BRWD1: variants seen among roughly 807,000 people sequenced by gnomAD.
BRWD1 encodes the protein bromodomain and WD repeat-containing protein 1.
In BRWD1, 82 loss-of-function variants were observed where a neutral mutation model predicts 251.2. The observed-to-expected ratio is 0.33, with a 90% confidence interval of 0.27 to 0.39. BRWD1 has a LOEUF of 0.39. BRWD1 is among the 10% of genes least tolerant of loss of function. BRWD1 has a pLI of 1.00. For missense variants in BRWD1, 2,233 were observed against 2,711.6 expected, an observed-to-expected ratio of 0.82 and a Z score of 3.92; for synonymous variants, 918 against 902.8, an observed-to-expected ratio of 1.02 and a Z score of -0.30.
Position 39,215,340 on chromosome 21 carries a change from C to G in BRWD1, c.3682G>C (p.Glu1228Gln), listed in dbSNP as rs765325229. 6.2e-7 allele frequency: 1 copy of G among 1,613,406 alleles called. No homozygotes were observed. Among genetic ancestry groups the G allele is most frequent in the Non-Finnish European group, 8.5e-7 (1 of 1,179,538 alleles). The change falls in exon 32 of 41, where the codon GAA becomes CAA. Residue 1228 changes from glutamate to glutamine, a missense_variant. Physicochemically the swap from Glu to Gln is conservative, Grantham distance 29. Coordinates refer to ENST00000342449, the MANE Select transcript of BRWD1 (RefSeq NM_033656.4). ...FYRRLSALVW[E>Q]VRYIEHNART... ...GCATTATGTTCTATATATCTGACTT[C>G]CCAAACTAACGCAGACAGCCTCCTT...
Position 39,194,244 on chromosome 21 carries a change from T to C in BRWD1, c.*2015A>G. On this transcript the variant is annotated 3_prime_UTR_variant, in exon 41 of 41. Transcript: ENST00000342449. ...AAAAGAATGTATGTACTTATGAATG[T>C]ATTCCATATTTATTTATGGATTTTT... is the stretch of plus-strand genomic sequence containing the variant. 2.0e-6 allele frequency: 2 copies of C among 986,962 alleles called. No individual in the cohort carries two copies. Among genetic ancestry groups the C allele is most frequent in the Non-Finnish European group, 2.4e-6 (2 of 829,130 alleles). 61.1% of individuals were successfully genotyped at this position (986,962 alleles called of 1,614,324 possible). A position where few individuals can be genotyped will look rare whatever the true frequency, so the allele number is the denominator to read the frequency against.
Position 39,190,822 on chromosome 21 carries a change from A to T in BRWD1, c.*5437T>A. ...TATGGCAGCATCAGGTCAAAAGACC[A>T]TCAGAAATAATTCCATGAACTAGTT... On this transcript the variant is annotated 3_prime_UTR_variant, in exon 41 of 41. Coordinates refer to ENST00000342449, the MANE Select transcript of BRWD1 (RefSeq NM_033656.4). The T allele has an allele frequency of 4.1e-6, 4 of 985,406 alleles. No individual in the cohort carries two copies. The highest frequency in any genetic ancestry group is 4.8e-6 in the Non-Finnish European group (4 of 829,906). The allele number at this position is 985,406 out of a possible 1,614,324, so 61.0% of individuals were successfully genotyped here. A position where few individuals can be genotyped will look rare whatever the true frequency, so the allele number is the denominator to read the frequency against.
chr21:39,243,374 A>G (rs1411258223), intron 21 of BRWD1, among the ~76,000 whole-genome samples: 1 of 152,224 alleles, frequency 6.6e-6, no homozygotes, highest in Non-Finnish European at 1.5e-5. Flanking sequence ...GAAAATTATC[A>G]GGACCATTGA....
chr21:39,298,939 C>T (rs1237611323), intron 4 of BRWD1, among the ~76,000 whole-genome samples: 2 of 152,180 alleles, frequency 1.3e-5, no homozygotes, highest in Non-Finnish European at 2.9e-5. Context: ...ATTGCACTAA[C>T]TGGGCCAGGG....
At chr21:39,305,591 G>A (rs2036259840) in intron 4 of BRWD1, among the ~76,000 whole-genome samples, 1 of 152,080 alleles carries the variant, frequency 6.6e-6, no homozygotes, top group South Asian at 2.1e-4. Context: ...TAGGCCTGGT[G>A]CAGTGGCTCA....
intron 17 of BRWD1, 130 bp from the exon 18 acceptor site, chr21:39,258,802 A>G: frequency 1.7e-6 from 1 of 592,876 alleles, no homozygotes; most frequent in Non-Finnish European, 2.7e-6. Flanking sequence ...CCAGTTTAAA[A>G]AGATACTCTA....
rs1319055210 is a variant in BRWD1 at position 39,192,769 on chromosome 21, G to A, written c.*3490C>T. 5.1e-6 allele frequency: 5 copies of A among 985,058 alleles called. No individual in the cohort carries two copies. Among genetic ancestry groups the A allele is most frequent in the East Asian group, 1.1e-4 (1 of 8,818 alleles). 61.0% of individuals were successfully genotyped at this position (985,058 alleles called of 1,614,324 possible). A position where few individuals can be genotyped will look rare whatever the true frequency, so the allele number is the denominator to read the frequency against. ...AGTGGAAAGGAAAACAAAAAAGATC[G>A]TAAGCACCTTTAACAATGTTCTTGC... On this transcript the variant is annotated 3_prime_UTR_variant, in exon 41 of 41. Transcript: ENST00000342449.
intron 8 of BRWD1, among the ~76,000 whole-genome samples, chr21:39,289,041 T>C (rs2035727565): frequency 6.6e-6 from 1 of 152,258 alleles, no homozygotes; most frequent in Non-Finnish European, 1.5e-5. Context: ...TCAGAGAATA[T>C]ACTTAGAATT....
intron 38 of BRWD1, among the ~76,000 whole-genome samples, chr21:39,201,393 C>CT (rs2032102358): frequency 6.6e-6 from 1 of 152,214 alleles, no homozygotes; most frequent in African/African-American, 2.4e-5. Flanking sequence ...TAATGTGACT[C>CT]TGTCACTCAA....
intron 5 of BRWD1, chr21:39,296,987 C>T: frequency 3.0e-6 from 3 of 985,094 alleles, no homozygotes; most frequent in Non-Finnish European, 3.6e-6. Flanking sequence ...TAGGAAGTAC[C>T]AATAAATTAT....
chr21:39,212,662 T>C lies in BRWD1; in HGVS notation c.3900+4A>G, dbSNP rs1202178907. 1 of 1,565,070 alleles carries C rather than the reference T, an allele frequency of 6.4e-7. No individual in the cohort carries two copies. Among genetic ancestry groups the C allele is most frequent in the African/African-American group, 1.4e-5 (1 of 73,348 alleles). On this transcript the variant is annotated splice_donor_region_variant and intron_variant, in intron 34 of 40. Transcript: ENST00000342449. ...ACAAAAGTCAACCATGCAGAGTAAC[T>C]TACTCTCCTCCTTCCAGAAGATGTT...
At chr21:39,305,977 T>A (rs979377333) in intron 4 of BRWD1, among the ~76,000 whole-genome samples, 2 of 151,682 alleles carry the variant, frequency 1.3e-5, no homozygotes, top group African/African-American at 4.8e-5. Flanking sequence ...GACGCTGCAG[T>A]GAGCCATTCA....
intron 8 of BRWD1, among the ~76,000 whole-genome samples, chr21:39,281,342 C>T (rs998754680): frequency 2.0e-5 from 3 of 152,154 alleles, no homozygotes; most frequent in Admixed American, 2.0e-4. Context: ...AACTGGAATA[C>T]AGCTCCACCC....
intron 31 of BRWD1, chr21:39,216,694 G>A: frequency 2.4e-6 from 1 of 419,256 alleles, no homozygotes; most frequent in Non-Finnish European, 4.8e-6. Context: ...AATAAACTTA[G>A]AGAAACCTGC....
chr21:39,199,183 G>T lies in BRWD1; in HGVS notation c.5233C>A (p.Pro1745Thr). ...ANGYKSHTPA[P>T]SKTKFLKIES... is the part of the protein sequence containing the mutation. ...ATTTTAAGAAATTTTGTCTTTGAAGGTGCTGGAGTATGGGACTTGTAACCA... is the reference window on the plus strand; with the variant it reads ...ATTTTAAGAAATTTTGTCTTTGAAGTTGCTGGAGTATGGGACTTGTAACCA... Residue 1745 changes from proline (P) to threonine (T), a missense_variant, in exon 40 of 41, where the codon CCT becomes ACT. Pro to Thr is a conservative substitution (Grantham distance 38). This residue lies in a region of BRWD1 where 928 missense variants were observed against 970.0 expected (regional missense o/e 0.96). Coordinates refer to ENST00000342449, the MANE Select transcript of BRWD1 (RefSeq NM_033656.4). 6.2e-7 allele frequency: 1 copy of T among 1,614,124 alleles called. No homozygotes were observed. Among genetic ancestry groups the T allele is most frequent in the South Asian group, 1.1e-5 (1 of 91,078 alleles).
At position 39,278,806 on chromosome 21, in the gene BRWD1, G is replaced by T; in HGVS notation, c.940C>A (p.Pro314Thr). The T allele has an allele frequency of 6.9e-6, 11 of 1,584,226 alleles. No homozygotes were observed. The highest frequency in any genetic ancestry group is 9.4e-6 in the Non-Finnish European group (11 of 1,168,368). The change falls in exon 10 of 41, where the codon CCC (proline) becomes ACC (threonine). Residue 314 changes from proline to threonine, a missense_variant. Physicochemically the swap from Pro to Thr is conservative, Grantham distance 38. Coordinates refer to ENST00000342449, the MANE Select transcript of BRWD1 (RefSeq NM_033656.4). The part of the protein sequence containing the change: ...DLESLKFSPR[P>T]LKFTEKPRPG... ...CTAGGCTTTTCAGTGAACTTCAGGG[G>T]ACGTGGGCTTTAAAAGAAGAAGATG...
At chr21:39,184,575 CAGAG>C (rs1181876863), downstream of BRWD1, 2 of 152,118 alleles carry the variant, frequency 1.3e-5, no homozygotes, top group Non-Finnish European at 2.9e-5. Context: ...ACTTTGGGGT[CAGAG>C]AGAGCCTGTT....
intron 8 of BRWD1, among the ~76,000 whole-genome samples, chr21:39,281,113 G>T (rs540804795): frequency 6.6e-6 from 1 of 152,194 alleles, no homozygotes; most frequent in African/African-American, 2.4e-5. Context: ...TATGAACAAA[G>T]TGTTCATTTC....
intron 37 of BRWD1, among the ~76,000 whole-genome samples, 187 bp from the exon 38 acceptor site, chr21:39,202,732 T>C (rs1286503441): frequency 6.6e-6 from 1 of 152,234 alleles, no homozygotes; most frequent in Non-Finnish European, 1.5e-5. Context: ...TTCCTAACTC[T>C]AAATTTAACG....
Sources: gnomAD v4.1 joint callset for allele counts (sites outside exome capture counted in the v4.1 genomes callset) on GRCh38, gnomAD v4.1.1 for gene constraint, gnomAD v4.1.1 regional missense constraint, MANE v1.5 for transcripts, NCBI Gene and HGNC (gene_info 2026-07-23, HGNC 2026-07-21) for gene names.